CENPN: variants seen among roughly 807,000 people sequenced by gnomAD.
CENPN encodes centromere protein N.
Under a neutral mutation model 48.6 loss-of-function variants are expected in CENPN, and 36 were observed. The ratio of observed to expected loss-of-function variants is 0.74; its 90% CI spans 0.57 to 0.98. CENPN has a LOEUF of 0.98. Among genes scored for constraint, CENPN ranks in the 50% least tolerant of loss-of-function variants. The pLI is 0.00. For synonymous variants in CENPN, 166 were observed against 135.2 expected, an observed-to-expected ratio of 1.23 and a Z score of -1.58; for missense variants, 439 against 399.2, an observed-to-expected ratio of 1.10 and a Z score of -0.85.
intron 5 of CENPN, among the ~76,000 whole-genome samples, chr16:81,018,311 C>T (rs1237567440): frequency 6.6e-6 from 1 of 151,892 alleles, no homozygotes; most frequent in Non-Finnish European, 1.5e-5. Flanking sequence ...GTAGCTGGGA[C>T]TACAAGCACG....
rs1344888525 is a variant in CENPN at position 81,028,192 on chromosome 16, G to A, written c.832G>A (p.Gly278Ser). The change falls in exon 10 of 11, where the codon GGT (glycine) becomes AGT (serine). Residue 278 changes from glycine to serine, a missense_variant. Gly to Ser is a moderately conservative substitution (Grantham distance 56). Coordinates refer to ENST00000305850, the MANE Select transcript of CENPN (RefSeq NM_001100624.3). The part of the protein sequence containing the change: ...QYKLETKFKS[G>S]LNGSILAERE... Reference sequence around the variant, plus strand: ...ACAGCTTGAAACGAAATTCAAAAGTGGTTTAAATGGGAGCATCTTGGCTGA... The same window carrying A: ...ACAGCTTGAAACGAAATTCAAAAGTAGTTTAAATGGGAGCATCTTGGCTGA... 3 of 1,611,942 alleles carry A rather than the reference G, an allele frequency of 1.9e-6. No individual in the cohort carries two copies. Among genetic ancestry groups the A allele is most frequent in the Non-Finnish European group, 2.5e-6 (3 of 1,178,084 alleles).
Position 81,030,174 on chromosome 16 carries a change from G to A in CENPN, c.*1523G>A. 8 of 984,576 alleles carry A rather than the reference G, an allele frequency of 8.1e-6. No individual in the cohort carries two copies. Among genetic ancestry groups the A allele is most frequent in the Non-Finnish European group, 9.6e-6 (8 of 829,196 alleles). The allele number at this position is 984,576 out of a possible 1,614,324, so 61.0% of individuals were successfully genotyped here. A position where few individuals can be genotyped will look rare whatever the true frequency, so the allele number is the denominator to read the frequency against. ...CACATGGGGGTTATTACAATTCAAG[G>A]TGACACTTGTGTGGAGACACAGCCA... On this transcript the variant is annotated 3_prime_UTR_variant, in exon 11 of 11. Coordinates refer to ENST00000305850, the MANE Select transcript of CENPN (RefSeq NM_001100624.3).
chr16:81,032,421 G>A (rs1779483917), downstream of CENPN: 1 of 697,156 alleles, frequency 1.4e-6, no homozygotes, highest in Non-Finnish European at 2.4e-6. Flanking sequence ...ATGAAAAAGG[G>A]TATATAAGCG....
intron 5 of CENPN, among the ~76,000 whole-genome samples, chr16:81,019,608 C>G (rs1225732781): frequency 6.6e-6 from 1 of 152,052 alleles, no homozygotes; most frequent in South Asian, 2.1e-4. Context: ...ACAAGTATCT[C>G]ATTTGTAAGG....
Position 81,024,736 on chromosome 16 carries a change from A to G in CENPN, c.655A>G (p.Thr219Ala). ...YNQTFETHNSTTPLQERSLGL... is the reference protein window; with the variant it reads ...YNQTFETHNSATPLQERSLGL... Reference sequence around the variant, plus strand: ...CTAGACCTTTGAAACTCACAACTCTACGACACCTCTACAGGAAAGAAGCCT... The same window carrying G: ...CTAGACCTTTGAAACTCACAACTCTGCGACACCTCTACAGGAAAGAAGCCT... Residue 219 changes from threonine to alanine, a missense_variant, in exon 8 of 11, where the codon ACG (threonine) becomes GCG (alanine). By Grantham distance (58) the Thr-to-Ala change is moderately conservative. Transcript: ENST00000305850. The G allele has an allele frequency of 1.2e-6, 2 of 1,610,828 alleles. No homozygotes were observed. Among genetic ancestry groups the G allele is most frequent in the Non-Finnish European group, 1.7e-6 (2 of 1,177,916 alleles).
At chr16:81,012,186 C>T (rs1969770621) in intron 2 of CENPN, 76 bp downstream of exon 2, 1 of 1,318,236 alleles carries the variant, frequency 7.6e-7, no homozygotes, top group Non-Finnish European at 1.1e-6. Flanking sequence ...TTCCTTACTC[C>T]AAAAGAGATG....
chr16:81,025,800 T>C (rs956754069), intron 8 of CENPN, among the ~76,000 whole-genome samples: 1 of 151,320 alleles, frequency 6.6e-6, no homozygotes, highest in African/African-American at 2.4e-5. Flanking sequence ...CTTCCCAGGT[T>C]CAAGCGATTC....
intron 1 of CENPN, 22 bp downstream of exon 1, chr16:81,007,299 C>T (rs1007450904): frequency 6.5e-6 from 1 of 153,050 alleles, no homozygotes; most frequent in Non-Finnish European, 1.5e-5. Flanking sequence ...CCGGGCGGCA[C>T]TGGATCGGGC....
chr16:81,011,679 T>C (rs1431994205), intron 1 of CENPN, among the ~76,000 whole-genome samples: 1 of 152,180 alleles, frequency 6.6e-6, no homozygotes, highest in Non-Finnish European at 1.5e-5. Context: ...CATTTAGGTG[T>C]TGGACCTACA....
chr16:81,020,175 C>T lies in CENPN; in HGVS notation c.430C>T (p.Pro144Ser). Reference protein sequence around the residue: ...RIAWGTQYTKPNQYKPTYVVY... With the variant: ...RIAWGTQYTKSNQYKPTYVVY... ...TGCCTGGGGAACACAGTACACAAAG[C>T]CAAACCAGTACAAACCTACCTACGT... is the stretch of plus-strand genomic sequence containing the variant. The change falls in exon 6 of 11, where the codon CCA becomes TCA. Residue 144 changes from proline (P) to serine (S), a missense_variant. Pro to Ser is a moderately conservative substitution (Grantham distance 74, BLOSUM62 -1). Coordinates refer to ENST00000305850, the MANE Select transcript of CENPN (RefSeq NM_001100624.3). 1.2e-6 allele frequency: 2 copies of T among 1,613,758 alleles called. No homozygotes were observed. The highest frequency in any genetic ancestry group is 8.5e-7 in the Non-Finnish European group (1 of 1,179,954).
At position 81,017,250 on chromosome 16, in the gene CENPN, G is replaced by A. The variant is rs1409468479; in HGVS notation, c.218-76G>A. ...TACTGTTACTTTCCCCAGTTTTAAAGTATAGAAATATCTATAAGCATATTA... is the reference window on the plus strand; with the variant it reads ...TACTGTTACTTTCCCCAGTTTTAAAATATAGAAATATCTATAAGCATATTA... On this transcript the variant is annotated intron_variant, in intron 3 of 10. Transcript: ENST00000305850. 6.3e-6 allele frequency: 6 copies of A among 946,202 alleles called. No homozygotes were observed. The African/African-American group carries it at 9.9e-5, about 16-fold the overall frequency. 58.6% of individuals were successfully genotyped at this position (946,202 alleles called of 1,614,324 possible).
intron 3 of CENPN, 55 bp from the exon 4 acceptor site, chr16:81,017,271 T>C: frequency 8.7e-7 from 1 of 1,147,572 alleles, no homozygotes; most frequent in African/African-American, 1.5e-5. Flanking sequence ...TCTATAAGCA[T>C]ATTACTTCAA....
downstream of CENPN, chr16:81,032,804 C>A (rs1274253127): frequency 2.5e-5 from 29 of 1,183,094 alleles, no homozygotes; most frequent in East Asian, 7.0e-4. Context: ...TTAAAATGGA[C>A]CCTTTGTTAC....
intron 7 of CENPN, 88 bp downstream of exon 7, chr16:81,022,786 G>T: frequency 6.2e-7 from 1 of 1,613,888 alleles, no homozygotes; most frequent in South Asian, 1.1e-5. Context: ...ATCTACCTCC[G>T]ACAAGAGGAG....
rs1250603330 is a variant in CENPN, at chr16:81,029,616, C to T, written c.*965C>T. 6.6e-6 allele frequency among the ~76,000 whole-genome samples: 1 copy of T among 152,038 alleles called. No individual in the cohort carries two copies. The highest frequency in any genetic ancestry group is 2.4e-5 in the African/African-American group (1 of 41,388). On this transcript the variant is annotated 3_prime_UTR_variant, in exon 11 of 11. Coordinates refer to ENST00000305850, the MANE Select transcript of CENPN (RefSeq NM_001100624.3). ...TTTTGAGACAAGTCTCCTTCTATCG[C>T]CCAGGCTGGAGTGCAATGGCACAAT...
In CENPN at chr16:81,017,731, T is replaced by G. The variant is rs575555900; in HGVS notation, c.278-27T>G. ...GAAGACATTGTAGCTCCCTTGATTT[T>G]TCTTTATTTTTTTTTCACTTTGGCA... is the stretch of plus-strand genomic sequence containing the variant. On this transcript the variant is annotated intron_variant, in intron 4 of 10. Coordinates refer to ENST00000305850, the MANE Select transcript of CENPN (RefSeq NM_001100624.3). 3 of 1,513,366 alleles carry G rather than the reference T, an allele frequency of 2.0e-6. No individual in the cohort carries two copies. The East Asian group carries it at 6.8e-5, about 34-fold the overall frequency. 93.7% of individuals were successfully genotyped at this position (1,513,366 alleles called of 1,614,324 possible).
downstream of CENPN, chr16:81,032,722 T>A: frequency 1.9e-6 from 3 of 1,586,086 alleles, no homozygotes; most frequent in Non-Finnish European, 2.6e-6. Context: ...ATTTAGACAT[T>A]TAAATGGTTA....
chr16:81,032,412 T>C (rs529856528), downstream of CENPN, among the ~76,000 whole-genome samples: 15 of 152,266 alleles, frequency 9.9e-5, no homozygotes, highest in South Asian at 2.9e-3. Context: ...TACTCTCCTA[T>C]GAAAAAGGGT....
chr16:81,012,095 G>T lies in CENPN; in HGVS notation c.156G>T (p.Leu52Phe). The T allele has an allele frequency of 6.2e-7, 1 of 1,614,082 alleles. No homozygotes were observed. The highest frequency in any genetic ancestry group is 8.5e-7 in the Non-Finnish European group (1 of 1,179,974). ...RQRKESVVQH[L>F]IHLCEEKRAS... ...GAAAGGAATCTGTAGTTCAGCACTTGATCCATCTGTGTGAGGTAACAGTGT... is the reference window on the plus strand; with the variant it reads ...GAAAGGAATCTGTAGTTCAGCACTTTATCCATCTGTGTGAGGTAACAGTGT... Residue 52 changes from leucine (L) to phenylalanine (F), a missense_variant, in exon 2 of 11, where the codon TTG becomes TTT. Transcript: ENST00000305850.
Sources: gnomAD v4.1 joint callset for allele counts (sites outside exome capture counted in the v4.1 genomes callset) on GRCh38, gnomAD v4.1.1 for gene constraint, MANE v1.5 for transcripts, NCBI Gene and HGNC (gene_info 2026-07-23, HGNC 2026-07-21) for gene names.